STK16: variants seen among roughly 807,000 people sequenced by gnomAD.
STK16 encodes the protein serine/threonine-protein kinase 16.
A neutral mutation model predicts 37.8 loss-of-function variants in STK16; 28 were observed. The ratio of observed to expected loss-of-function variants is 0.74; its 90% CI spans 0.55 to 1.02. The LOEUF (loss-of-function observed/expected upper bound fraction) is 1.02. Among genes scored for constraint, STK16 ranks in the 50% least tolerant of loss-of-function variants. The pLI, the probability that STK16 is intolerant of heterozygous loss-of-function variation, is 0.00. For missense variants in STK16, 349 were observed against 390.6 expected (o/e 0.89, Z 0.90); for synonymous variants, 134 against 155.0 (o/e 0.86, Z 1.01).
rs544790972 is a variant in STK16 at position 219,248,533 on chromosome 2, C to T, written c.892C>T (p.Pro298Ser). The T allele has an allele frequency of 9.9e-6, 16 of 1,613,504 alleles. No individual in the cohort carries two copies. The African/African-American group carries it at 1.6e-4, about 16-fold the overall frequency. ...GCTGGAGGCGCTTCAGCCCCCAGCT[C>T]CTGGCCAACATACTACCCAAATCTG... ...SQLEALQPPA[P>S]GQHTTQI The change falls in exon 8 of 8, where the codon CCT becomes TCT. Residue 298 changes from proline to serine, a missense_variant. Pro to Ser is a moderately conservative substitution (Grantham distance 74). Coordinates refer to ENST00000396738, the MANE Select transcript of STK16 (RefSeq NM_001330213.2).
Position 219,248,723 on chromosome 2 carries a change from C to A in STK16, c.*164C>A. The A allele has an allele frequency of 8.2e-6, 6 of 729,902 alleles. No homozygotes were observed. Among genetic ancestry groups the A allele is most frequent in the Admixed American group, 3.6e-5 (1 of 27,478 alleles). 45.2% of individuals were successfully genotyped at this position (729,902 alleles called of 1,614,324 possible). A position where few individuals can be genotyped will look rare whatever the true frequency, so the allele number is the denominator to read the frequency against. ...ATCTTTTCTTCTGCTTTCTTCCCTC[C>A]AAGAGCAAAACCTGGGCAAGGGGAC... is the stretch of plus-strand genomic sequence containing the variant. On this transcript the variant is annotated 3_prime_UTR_variant, in exon 8 of 8. Transcript: ENST00000396738.
At position 219,246,711 on chromosome 2, in the gene STK16, C is replaced by A; in HGVS notation, c.141C>A (p.Ala47=). ...GGTTACATGATGGACACTTCTACGC[C>A]CTGAAGCGAATCCTGTGTCACGAGC... ...VEGLHDGHFY[A]LKRILCHEQQ... The change falls in exon 3 of 8, where the codon GCC becomes GCA. Residue 47 remains alanine (A), a synonymous_variant. Transcript: ENST00000396738. The surrounding 1 kb of genome is among the most constrained non-coding windows in gnomAD (Gnocchi z 4.5). The A allele has an allele frequency of 6.2e-7, 1 of 1,614,204 alleles. No homozygotes were observed. The highest frequency in any genetic ancestry group is 8.5e-7 in the Non-Finnish European group (1 of 1,180,042).
In STK16 at chr2:219,247,753, T is replaced by C. The variant is rs766877296; in HGVS notation, c.653T>C (p.Val218Ala). ...SHCVIDERTD[V>A]WSLGCVLYAM... The stretch of plus-strand genomic sequence containing the variant: ...TGTGTCATCGATGAGCGGACTGATG[T>C]CTGGGTGAGGAGCATGTGGGTGGGT... Residue 218 changes from valine to alanine, a missense_variant, in exon 6 of 8, where the codon GTC becomes GCC. Transcript: ENST00000396738. The C allele has an allele frequency of 6.0e-5, 94 of 1,574,544 alleles. No individual in the cohort carries two copies. The highest frequency in any genetic ancestry group is 2.6e-6 in the Non-Finnish European group (3 of 1,158,916).
chr2:219,250,256 T>C lies in STK16; in HGVS notation c.*1697T>C. 6.6e-7 allele frequency: 1 copy of C among 1,507,606 alleles called. No homozygotes were observed. Among genetic ancestry groups the C allele is most frequent in the East Asian group, 2.3e-5 (1 of 44,082 alleles). 93.4% of individuals were successfully genotyped at this position (1,507,606 alleles called of 1,614,324 possible). On this transcript the variant is annotated 3_prime_UTR_variant, in exon 8 of 8. Coordinates refer to ENST00000396738, the MANE Select transcript of STK16 (RefSeq NM_001330213.2). The surrounding 1 kb of genome is among the most constrained non-coding windows in gnomAD (Gnocchi z 8.4). ...GCATGAAGGGGAAGGCAGCAGAAGC[T>C]CAAGCACTCAGAGGGAACAAGAAAC...
intron 3 of STK16, 29 bp from the exon 4 acceptor site, chr2:219,247,084 C>T: frequency 6.2e-7 from 1 of 1,613,896 alleles, no homozygotes; most frequent in Non-Finnish European, 8.5e-7. Context: ...CCAAAAACAT[C>T]TCCAACTGTA....
At position 219,250,149 on chromosome 2, in the gene STK16, G is replaced by A. The variant is rs1201004896; in HGVS notation, c.*1590G>A. The A allele has an allele frequency of 2.7e-6, 2 of 751,214 alleles. No homozygotes were observed. Among genetic ancestry groups the A allele is most frequent in the Admixed American group, 2.5e-5 (1 of 40,062 alleles). The allele number at this position is 751,214 out of a possible 1,614,324, so 46.5% of individuals were successfully genotyped here. ...AAAGTCCCTGGGGTTATGCTTCCTG[G>A]GCCTGGCAAGAACCCCTTTGCAGGT... On this transcript the variant is annotated 3_prime_UTR_variant, in exon 8 of 8. Transcript: ENST00000396738. This position sits in a 1 kb window ranked among gnomAD's most constrained non-coding sequence, Gnocchi z 8.4.
Position 219,246,529 on chromosome 2 carries a change from T to C in STK16, c.87-128T>C, listed in dbSNP as rs1395572327. On this transcript the variant is annotated intron_variant, in intron 2 of 7. Transcript: ENST00000396738. This position sits in a 1 kb window ranked among gnomAD's most constrained non-coding sequence, Gnocchi z 4.5. The stretch of plus-strand genomic sequence containing the variant: ...CGGTGTAATATTCTTCAGATTTCTC[T>C]TAGAGCCACATCTTGGGAAGGTTTC... 1.3e-6 allele frequency: 1 copy of C among 753,838 alleles called. No individual in the cohort carries two copies. The highest frequency in any genetic ancestry group is 2.4e-6 in the Non-Finnish European group (1 of 417,960). The allele number at this position is 753,838 out of a possible 1,614,324, so 46.7% of individuals were successfully genotyped here. A position where few individuals can be genotyped will look rare whatever the true frequency, so the allele number is the denominator to read the frequency against.
rs1463157785 is a variant in STK16 at position 219,246,876 on chromosome 2, G to A, written c.306G>A (p.Lys102=). The A allele has an allele frequency of 6.2e-7, 1 of 1,606,620 alleles. No individual in the cohort carries two copies. Among genetic ancestry groups the A allele is most frequent in the Admixed American group, 1.7e-5 (1 of 59,784 alleles). The change falls in exon 3 of 8, where the codon AAG becomes AAA. Residue 102 remains lysine, a splice_region_variant and synonymous_variant. Coordinates refer to ENST00000396738, the MANE Select transcript of STK16 (RefSeq NM_001330213.2). The surrounding 1 kb of genome is among the most constrained non-coding windows in gnomAD (Gnocchi z 4.5). ...HEAWLLLPFF[K]RGTLWNEIER... ...CCTGGCTGCTGCTACCATTCTTCAA[G>A]GTCAGAAAGACTCCTGGTTATGGAG...
Position 219,248,690 on chromosome 2 carries a change from A to C in STK16, c.*131A>C. The C allele has an allele frequency of 9.4e-6, 10 of 1,060,900 alleles. No homozygotes were observed. The highest frequency in any genetic ancestry group is 1.7e-5 in the African/African-American group (1 of 59,818). The allele number at this position is 1,060,900 out of a possible 1,614,324, so 65.7% of individuals were successfully genotyped here. On this transcript the variant is annotated 3_prime_UTR_variant, in exon 8 of 8. Coordinates refer to ENST00000396738, the MANE Select transcript of STK16 (RefSeq NM_001330213.2). ...GTAGCGGGGTCAGGACAATCATCTC[A>C]GTCCTGCATCTTTTCTTCTGCTTTC...
chr2:219,250,145 C>T lies in STK16; in HGVS notation c.*1586C>T. On this transcript the variant is annotated 3_prime_UTR_variant, in exon 8 of 8. Transcript: ENST00000396738. The surrounding 1 kb of genome is among the most constrained non-coding windows in gnomAD (Gnocchi z 8.4). ...ATTTAAAGTCCCTGGGGTTATGCTT[C>T]CTGGGCCTGGCAAGAACCCCTTTGC... The T allele has an allele frequency of 1.3e-6, 1 of 746,592 alleles. No individual in the cohort carries two copies. 46.2% of individuals were successfully genotyped at this position (746,592 alleles called of 1,614,324 possible).
In STK16 at chr2:219,248,454, G is replaced by C. The variant is rs766349692; in HGVS notation, c.813G>C (p.Ser271=). 3.1e-6 allele frequency: 5 copies of C among 1,614,098 alleles called. No homozygotes were observed. The highest frequency in any genetic ancestry group is 2.2e-5 in the South Asian group (2 of 91,078). ...CAGCATTGCGGCAGCTCCTGAACTCGATGATGACCGTGGACCCGCATCAGC... is the reference window on the plus strand; with the variant it reads ...CAGCATTGCGGCAGCTCCTGAACTCCATGATGACCGTGGACCCGCATCAGC... ...HSSALRQLLN[S]MMTVDPHQRP... The change falls in exon 8 of 8, where the codon TCG becomes TCC. Residue 271 remains serine, a synonymous_variant. Transcript: ENST00000396738.
chr2:219,247,170 G>A lies in STK16; in HGVS notation c.364G>A (p.Glu122Lys), dbSNP rs771468829. 48 of 1,614,118 alleles carry A rather than the reference G, an allele frequency of 3.0e-5. No homozygotes were observed. Among genetic ancestry groups the A allele is most frequent in the Non-Finnish European group, 3.6e-5 (43 of 1,180,048 alleles). ...GAAGGACAAAGGCAACTTCCTGACC[G>A]AGGATCAAATCCTTTGGCTGCTGCT... ...RLKDKGNFLT[E>K]DQILWLLLGI... Residue 122 changes from glutamate to lysine, a missense_variant, in exon 4 of 8, where the codon GAG becomes AAG. By Grantham distance (56) the Glu-to-Lys change is moderately conservative. Transcript: ENST00000396738.
In STK16 at chr2:219,245,766, G is replaced by A; in HGVS notation, c.-135G>A. On this transcript the variant is annotated 5_prime_UTR_variant, in exon 1 of 8. Coordinates refer to ENST00000396738, the MANE Select transcript of STK16 (RefSeq NM_001330213.2). The stretch of plus-strand genomic sequence containing the variant: ...TGACCCCACCCCTGAAGCTGGCGAC[G>A]GAGCAGGGCCTGTTTTCTCTACACT... 1 of 326,210 alleles carries A rather than the reference G, an allele frequency of 3.1e-6. No individual in the cohort carries two copies. Among genetic ancestry groups the A allele is most frequent in the Non-Finnish European group, 5.7e-6 (1 of 176,944 alleles). 20.2% of individuals were successfully genotyped at this position (326,210 alleles called of 1,614,324 possible). A position where few individuals can be genotyped will look rare whatever the true frequency, so the allele number is the denominator to read the frequency against.
intron 6 of STK16, 157 bp downstream of exon 6, chr2:219,247,914 C>G: frequency 1.2e-6 from 1 of 849,284 alleles, no homozygotes; most frequent in Admixed American, 2.0e-5. Flanking sequence ...GTCACTGATA[C>G]TGTACCCAGT....
Position 219,248,334 on chromosome 2 carries a change from G to A in STK16, c.779+20G>A. The stretch of plus-strand genomic sequence containing the variant: ...CCCCAGGTGAGTGAGCAACGAATAG[G>A]GCATCAAGTGTTTCAGACTCCCCCC... On this transcript the variant is annotated intron_variant, in intron 7 of 7. Coordinates refer to ENST00000396738, the MANE Select transcript of STK16 (RefSeq NM_001330213.2). 6.2e-7 allele frequency: 1 copy of A among 1,613,986 alleles called. No individual in the cohort carries two copies. Among genetic ancestry groups the A allele is most frequent in the Non-Finnish European group, 8.5e-7 (1 of 1,179,936 alleles).
intron 7 of STK16, 27 bp from the exon 8 acceptor site, chr2:219,248,394 G>A (rs777398064): frequency 6.2e-6 from 10 of 1,612,120 alleles, no homozygotes; most frequent in Admixed American, 1.7e-5. Context: ...GGTGTCATCC[G>A]GTCACCCTGG....
Position 219,245,994 on chromosome 2 carries a change from G to C in STK16, c.-6G>C, listed in dbSNP as rs777859303. ...GACCGTCCTTGAAGAGGATGACTGA[G>C]ACATTATGGGCCACGCGCTGTGTGT... On this transcript the variant is annotated 5_prime_UTR_variant, in exon 2 of 8. Coordinates refer to ENST00000396738, the MANE Select transcript of STK16 (RefSeq NM_001330213.2). 1.9e-6 allele frequency: 3 copies of C among 1,613,020 alleles called. No individual in the cohort carries two copies. Among genetic ancestry groups the C allele is most frequent in the Non-Finnish European group, 2.5e-6 (3 of 1,179,544 alleles).
In STK16 at chr2:219,245,879, C is replaced by A; in HGVS notation, c.-104-17C>A. On this transcript the variant is annotated splice_polypyrimidine_tract_variant and intron_variant, in intron 1 of 7. Transcript: ENST00000396738. ...GATTGTGCCGGACCTGTGACCCTGC[C>A]GTTGTTTTCTTTCCAGCATGATCCG... 1 of 715,448 alleles carries A rather than the reference C, an allele frequency of 1.4e-6. No homozygotes were observed. Among genetic ancestry groups the A allele is most frequent in the Non-Finnish European group, 2.4e-6 (1 of 424,170 alleles). The allele number at this position is 715,448 out of a possible 1,614,324, so 44.3% of individuals were successfully genotyped here. A position where few individuals can be genotyped will look rare whatever the true frequency, so the allele number is the denominator to read the frequency against.
Position 219,246,219 on chromosome 2 carries a change from G to T in STK16, c.86+134G>T. The T allele has an allele frequency of 1.4e-6, 1 of 730,202 alleles. No individual in the cohort carries two copies. Among genetic ancestry groups the T allele is most frequent in the Non-Finnish European group, 2.3e-6 (1 of 444,340 alleles). The allele number at this position is 730,202 out of a possible 1,614,324, so 45.2% of individuals were successfully genotyped here. ...TCACCTGACAGAACCTAGCTACACA[G>T]TATCAAGAAGGTGGATTCTGGAGCC... On this transcript the variant is annotated intron_variant, in intron 2 of 7. Coordinates refer to ENST00000396738, the MANE Select transcript of STK16 (RefSeq NM_001330213.2). This position sits in a 1 kb window ranked among gnomAD's most constrained non-coding sequence, Gnocchi z 4.5.
Sources: allele counts gnomAD v4.1 joint callset, GRCh38; gene constraint gnomAD v4.1.1; non-coding constraint Gnocchi (gnomAD v3.1); transcripts MANE v1.5; gene names NCBI Gene and HGNC (gene_info 2026-07-23, HGNC 2026-07-21).